The following ASAP1 variants were observed in gnomAD, a reference collection of about 807,000 sequenced individuals.
ASAP1 encodes the protein arf-GAP with SH3 domain, ANK repeat and PH domain-containing protein 1.
Under a neutral mutation model 145.2 loss-of-function variants are expected in ASAP1, and 43 were observed. The observed-to-expected ratio is 0.30, with a 90% CI of 0.23 to 0.38. The LOEUF (loss-of-function observed/expected upper bound fraction) is 0.38, where lower values mean the gene tolerates loss of function less well. ASAP1 is among the 10% of genes least tolerant of loss of function. The pLI is 1.00. For synonymous variants in ASAP1, 546 were observed against 515.5 expected (o/e 1.06, Z -0.80); for missense variants, 1,018 against 1,355.3 (o/e 0.75, Z 3.91).
chr8:130,080,194 T>C (rs2097475947), intron 25 of ASAP1, among the ~76,000 whole-genome samples: 3 of 152,174 alleles, frequency 2.0e-5, no homozygotes, highest in Admixed American at 1.3e-4. Flanking sequence ...ATCAAAGAGG[T>C]GAGCAGCTGC....
chr8:130,061,730 G>T (rs763542099), intron 27 of ASAP1, among the ~76,000 whole-genome samples: 1 of 152,292 alleles, frequency 6.6e-6, no homozygotes, highest in East Asian at 1.9e-4. Flanking sequence ...CCATACAAGG[G>T]ATACATAGTC....
intron 4 of ASAP1, among the ~76,000 whole-genome samples, chr8:130,227,038 C>T (rs987601300): frequency 1.3e-5 from 2 of 152,202 alleles, no homozygotes; most frequent in Non-Finnish European, 2.9e-5. Flanking sequence ...AATTCACAAA[C>T]TTTCATCAAG....
At chr8:130,077,537 CTTTTTTTTTT>C (rs58327713) in intron 26 of ASAP1, among the ~76,000 whole-genome samples, 3 of 62,030 alleles carry the variant, frequency 4.8e-5, no homozygotes, top group Admixed American at 2.5e-4. Flanking sequence ...GCTGCTGCTG[CTTTTTTTTTT>C]TTTTTTTTTT....
intron 3 of ASAP1, among the ~76,000 whole-genome samples, chr8:130,263,126 G>C (rs138883395): frequency 6.6e-6 from 1 of 152,134 alleles, no homozygotes; most frequent in Non-Finnish European, 1.5e-5. Context: ...GTCTGATTAC[G>C]TGTGTTGATC....
At chr8:130,327,236 T>C (rs115277472) in intron 3 of ASAP1, among the ~76,000 whole-genome samples, 5,324 of 152,340 alleles carry the variant, frequency 0.035, 125 homozygotes, top group Middle Eastern at 0.068. Context: ...GGTGATACTA[T>C]GGCCCTGTCT....
chr8:130,358,212 G>C lies in ASAP1; in HGVS notation c.60-69C>G. 1 of 1,413,822 alleles carries C rather than the reference G, an allele frequency of 7.1e-7. No individual in the cohort carries two copies. The highest frequency in any genetic ancestry group is 1.4e-5 in the African/African-American group (1 of 69,630). 87.6% of individuals were successfully genotyped at this position (1,413,822 alleles called of 1,614,324 possible). The stretch of plus-strand genomic sequence containing the variant: ...ACGGCGCAGGCTCCCGGGGCCGCGG[G>C]CCGCCCGGAGGCTCATGAACCCCGG... On this transcript the variant is annotated intron_variant, in intron 2 of 29. Coordinates refer to ENST00000518721, the MANE Select transcript of ASAP1 (RefSeq NM_018482.4). The surrounding 1 kb of genome is among the most constrained non-coding windows in gnomAD (Gnocchi z 4.1).
intron 3 of ASAP1, among the ~76,000 whole-genome samples, chr8:130,277,101 C>T (rs1487901578): frequency 1.3e-5 from 2 of 152,090 alleles, no homozygotes; most frequent in Non-Finnish European, 2.9e-5. Context: ...CACCGAGGGC[C>T]CCCCATCCCA....
At chr8:130,216,317 A>G (rs543611210) in intron 4 of ASAP1, among the ~76,000 whole-genome samples, 1 of 152,376 alleles carries the variant, frequency 6.6e-6, no homozygotes, top group South Asian at 2.1e-4. Flanking sequence ...TTAGGTGCAC[A>G]TGAGAAACAT....
At chr8:130,294,493 G>GC (rs1187922703) in intron 3 of ASAP1, among the ~76,000 whole-genome samples, 1 of 152,234 alleles carries the variant, frequency 6.6e-6, no homozygotes, top group Non-Finnish European at 1.5e-5. Context: ...ATGTCCAGCT[G>GC]CACAGTGACC....
At chr8:130,365,869 G>A (rs1216632066) in intron 2 of ASAP1, among the ~76,000 whole-genome samples, 1 of 152,198 alleles carries the variant, frequency 6.6e-6, no homozygotes, top group Non-Finnish European at 1.5e-5. Flanking sequence ...ATTGAGAGAG[G>A]AGAAATGGAG....
intron 1 of ASAP1, among the ~76,000 whole-genome samples, chr8:130,429,831 T>C (rs1031091551): frequency 2.0e-5 from 3 of 152,246 alleles, no homozygotes; most frequent in Non-Finnish European, 2.9e-5. Context: ...GAATAACGCA[T>C]GTATACTTCG....
intron 5 of ASAP1, among the ~76,000 whole-genome samples, chr8:130,212,539 T>A (rs1395175291): frequency 6.6e-6 from 1 of 152,160 alleles, no homozygotes; most frequent in Non-Finnish European, 1.5e-5. Context: ...CACATACTAA[T>A]AGGGTAAATG....
At position 130,052,883 on chromosome 8, in the gene ASAP1, C is replaced by T. The variant is rs747781027; in HGVS notation, c.*1848G>A. On this transcript the variant is annotated 3_prime_UTR_variant, in exon 30 of 30. Coordinates refer to ENST00000518721, the MANE Select transcript of ASAP1 (RefSeq NM_018482.4). ...GCAACCTCAGATGCAGACTTCCATCCGGACACTGGTGTGGCTTCAGTACCG... is the reference window on the plus strand; with the variant it reads ...GCAACCTCAGATGCAGACTTCCATCTGGACACTGGTGTGGCTTCAGTACCG... 5.9e-5 allele frequency: 9 copies of T among 152,066 alleles called. No homozygotes were observed. The highest frequency in any genetic ancestry group is 1.0e-4 in the Non-Finnish European group (7 of 68,012). 9.4% of individuals were successfully genotyped at this position (152,066 alleles called of 1,614,324 possible). A position where few individuals can be genotyped will look rare whatever the true frequency, so the allele number is the denominator to read the frequency against.
chr8:130,087,438 T>G (rs1334854751), intron 25 of ASAP1, among the ~76,000 whole-genome samples: 1 of 152,170 alleles, frequency 6.6e-6, no homozygotes, highest in African/African-American at 2.4e-5. Flanking sequence ...GAGAATTGCT[T>G]GAACCCATAA....
At chr8:130,144,194 T>C (rs1327875966) in intron 13 of ASAP1, among the ~76,000 whole-genome samples, 1 of 152,202 alleles carries the variant, frequency 6.6e-6, no homozygotes, top group Non-Finnish European at 1.5e-5. Context: ...GAAATTAAGG[T>C]ACATGCTGAA....
intron 24 of ASAP1, among the ~76,000 whole-genome samples, chr8:130,092,519 T>C (rs1026854882): frequency 6.6e-6 from 1 of 152,048 alleles, no homozygotes; most frequent in Non-Finnish European, 1.5e-5. Context: ...CTCAGCTACT[T>C]GGAAGACTGA....
chr8:130,136,954 A>G lies in ASAP1; in HGVS notation c.1165T>C (p.Ser389Pro). 6.2e-7 allele frequency: 1 copy of G among 1,613,988 alleles called. No individual in the cohort carries two copies. The highest frequency in any genetic ancestry group is 8.5e-7 in the Non-Finnish European group (1 of 1,179,816). ...AEDKKSFDLI[S>P]HNRTYHFQAE... ...CAGAGAGAGAAAAAGGACTCACGTG[A>G]TATCAGGTCAAAAGATTTTTTGTCT... The change falls in exon 14 of 30, where the codon TCA becomes CCA. Residue 389 changes from serine to proline, a missense_variant. Coordinates refer to ENST00000518721, the MANE Select transcript of ASAP1 (RefSeq NM_018482.4).
chr8:130,211,573 T>C (rs1586602161), intron 5 of ASAP1, among the ~76,000 whole-genome samples: 1 of 152,210 alleles, frequency 6.6e-6, no homozygotes, highest in Non-Finnish European at 1.5e-5. Flanking sequence ...AAATAACAAA[T>C]GTTTTTCTCA....
intron 5 of ASAP1, among the ~76,000 whole-genome samples, chr8:130,189,623 C>T (rs115038584): frequency 0.018 from 2,741 of 152,198 alleles, 95 homozygotes; most frequent in African/African-American, 0.063. Context: ...CATGAGAGTA[C>T]GGGTTATCTT....
Sources: allele counts gnomAD v4.1 joint callset (sites outside exome capture counted in the v4.1 genomes callset), GRCh38; gene constraint gnomAD v4.1.1; non-coding constraint Gnocchi (gnomAD v3.1); transcripts MANE v1.5; gene names NCBI Gene and HGNC (gene_info 2026-07-23, HGNC 2026-07-21).